The following MTHFD1L variants were observed in gnomAD, a reference collection of about 807,000 sequenced individuals.
The protein encoded by MTHFD1L is monofunctional C1-tetrahydrofolate synthase, mitochondrial.
A neutral mutation model predicts 119.5 loss-of-function variants in MTHFD1L; 81 were observed. The observed-to-expected ratio is 0.68, with a 90% CI of 0.57 to 0.82. MTHFD1L has a LOEUF of 0.82. Among genes scored for constraint, MTHFD1L ranks in the 40% least tolerant of loss-of-function variants. The probability of loss-of-function intolerance (pLI) is 0.00; values close to 1 mark genes in which losing one functional copy is unlikely to be tolerated. For synonymous variants in MTHFD1L, 430 were observed against 475.2 expected (o/e 0.90, Z 1.24); for missense variants, 1,125 against 1,253.4 (o/e 0.90, Z 1.55).
intron 14 of MTHFD1L, 60 bp from the exon 15 acceptor site, chr6:150,945,407 T>G: frequency 7.4e-7 from 1 of 1,359,382 alleles, no homozygotes; most frequent in South Asian, 1.2e-5. Flanking sequence ...ATCCTGTGAA[T>G]TGTCCAAGTT....
intron 27 of MTHFD1L, among the ~76,000 whole-genome samples, chr6:151,099,051 C>T (rs1042603925): frequency 6.6e-6 from 1 of 151,960 alleles, no homozygotes; most frequent in Non-Finnish European, 1.5e-5. Context: ...TGGCGGGTAC[C>T]TGTAATCCCA....
chr6:151,092,679 G>A, intron 27 of MTHFD1L, 92 bp downstream of exon 27: 1 of 707,414 alleles, frequency 1.4e-6, no homozygotes, highest in Non-Finnish European at 2.4e-6. Flanking sequence ...CCACAGAAGT[G>A]ATCTGATAAA....
At chr6:150,967,673 C>T (rs953133029) in intron 19 of MTHFD1L, among the ~76,000 whole-genome samples, 2 of 152,160 alleles carry the variant, frequency 1.3e-5, no homozygotes, top group Non-Finnish European at 2.9e-5. Context: ...TTCCCCTCTT[C>T]CTGTGTCCAT....
intron 1 of MTHFD1L, among the ~76,000 whole-genome samples, chr6:150,868,119 G>A (rs1052250513): frequency 2.0e-5 from 3 of 151,982 alleles, no homozygotes; most frequent in Admixed American, 2.0e-4. Context: ...ATACTTTTAG[G>A]TTTAAAGCCA....
chr6:150,980,241 CCT>C (rs1777252490), intron 20 of MTHFD1L, among the ~76,000 whole-genome samples: 3 of 152,160 alleles, frequency 2.0e-5, no homozygotes, highest in African/African-American at 7.2e-5. Context: ...TTTTTCAGCC[CCT>C]GTCTTCAGGA....
At chr6:151,040,021 A>G (rs77183577) in intron 26 of MTHFD1L, among the ~76,000 whole-genome samples, 2 of 152,172 alleles carry the variant, frequency 1.3e-5, no homozygotes, top group East Asian at 3.9e-4. Context: ...AGCTGGTGAA[A>G]GCCTTGGCTT....
At chr6:151,056,608 C>T (rs551472373) in intron 26 of MTHFD1L, among the ~76,000 whole-genome samples, 99 of 152,312 alleles carry the variant, frequency 6.5e-4, no homozygotes, top group African/African-American at 2.3e-3. Flanking sequence ...TCTATAACGT[C>T]GTGTTCTTGT....
At chr6:151,016,233 G>T (rs372866730) in intron 24 of MTHFD1L, among the ~76,000 whole-genome samples, 3 of 152,176 alleles carry the variant, frequency 2.0e-5, no homozygotes, top group South Asian at 2.1e-4. Flanking sequence ...GTACTTTAGC[G>T]AACAGGATTT....
At chr6:150,979,856 A>C (rs917054465) in intron 20 of MTHFD1L, among the ~76,000 whole-genome samples, 2 of 152,134 alleles carry the variant, frequency 1.3e-5, no homozygotes, top group Non-Finnish European at 2.9e-5. Context: ...GCTGGTGGCT[A>C]TACCCAGCTA....
At chr6:151,091,408 T>C (rs1794438144) in intron 26 of MTHFD1L, among the ~76,000 whole-genome samples, 2 of 152,112 alleles carry the variant, frequency 1.3e-5, no homozygotes, top group African/African-American at 4.8e-5. Context: ...GGAGCAGTGT[T>C]TCAGGGCCTG....
At chr6:150,987,860 A>G (rs1778522128) in intron 20 of MTHFD1L, among the ~76,000 whole-genome samples, 1 of 152,214 alleles carries the variant, frequency 6.6e-6, no homozygotes, top group Non-Finnish European at 1.5e-5. Flanking sequence ...CATATTTTCC[A>G]TGTGCTGTGT....
intron 20 of MTHFD1L, among the ~76,000 whole-genome samples, chr6:150,989,156 G>A (rs1778727294): frequency 6.6e-6 from 1 of 152,200 alleles, no homozygotes; most frequent in African/African-American, 2.4e-5. Context: ...AGATTTAAAA[G>A]TACTATGCAA....
intron 8 of MTHFD1L, among the ~76,000 whole-genome samples, chr6:150,910,291 C>T (rs1011344468): frequency 6.6e-6 from 1 of 151,460 alleles, no homozygotes; most frequent in East Asian, 2.0e-4. Flanking sequence ...TGGCCGGATG[C>T]GGTGGCTCAC....
At chr6:151,010,060 C>G (rs1782006708) in intron 21 of MTHFD1L, 102 bp downstream of exon 21, 1 of 1,363,652 alleles carries the variant, frequency 7.3e-7, no homozygotes, top group African/African-American at 1.5e-5. Flanking sequence ...CTATAGTTTT[C>G]TAGAGTATTT....
intron 19 of MTHFD1L, among the ~76,000 whole-genome samples, chr6:150,970,563 A>C (rs1015876306): frequency 1.3e-5 from 2 of 151,954 alleles, no homozygotes; most frequent in Non-Finnish European, 2.9e-5. Context: ...GTAAGCTAAC[A>C]ATTACTTGAA....
intron 11 of MTHFD1L, among the ~76,000 whole-genome samples, chr6:150,927,882 C>G (rs1473573221): frequency 2.0e-5 from 3 of 152,068 alleles, no homozygotes; most frequent in Non-Finnish European, 4.4e-5. Flanking sequence ...TAAGTGCTAC[C>G]CTGGTAGTTC....
chr6:150,880,930 TGAA>T (rs774572856), intron 4 of MTHFD1L, among the ~76,000 whole-genome samples: 4 of 152,220 alleles, frequency 2.6e-5, no homozygotes, highest in Non-Finnish European at 4.4e-5. Flanking sequence ...ATTTTTTATT[TGAA>T]TTATTTGTTT....
At position 150,877,759 on chromosome 6, in the gene MTHFD1L, T is replaced by C. The variant is rs2073064; in HGVS notation, c.364-14T>C. On this transcript the variant is annotated splice_polypyrimidine_tract_variant and intron_variant, in intron 3 of 27. Coordinates refer to ENST00000367321, the MANE Select transcript of MTHFD1L (RefSeq NM_015440.5). The stretch of plus-strand genomic sequence containing the variant: ...TCTCTTATAGTGACGAATAACCTTG[T>C]GTTCCTTTTTCAGGCTGGTCTGAAC... 0.14 allele frequency: 225,104 copies of C among 1,614,008 alleles called. 19,061 individuals are homozygous for C. The highest frequency in any genetic ancestry group is 0.33 in the Admixed American group (19,859 of 60,008).
At chr6:150,924,340 T>C (rs575200793) in intron 10 of MTHFD1L, among the ~76,000 whole-genome samples, 2 of 151,766 alleles carry the variant, frequency 1.3e-5, no homozygotes, top group South Asian at 4.2e-4. Context: ...ATCTGGCTAA[T>C]TTTTGTATTT....
Sources: allele counts gnomAD v4.1 joint callset (sites outside exome capture counted in the v4.1 genomes callset), GRCh38; gene constraint gnomAD v4.1.1; transcripts MANE v1.5; gene names NCBI Gene and HGNC (gene_info 2026-07-23, HGNC 2026-07-21).